FRMD4A: variants seen among roughly 807,000 people sequenced by gnomAD.
FRMD4A encodes FERM domain-containing protein 4A.
Under a neutral mutation model 129.1 loss-of-function variants are expected in FRMD4A, and 29 were observed. The ratio of observed to expected loss-of-function variants is 0.22; its 90% CI spans 0.17 to 0.31. The LOEUF (loss-of-function observed/expected upper bound fraction) is 0.31. Ranked by LOEUF, FRMD4A falls within the 10% of genes least tolerant of loss-of-function variation. The pLI is 1.00. For synonymous variants in FRMD4A, 634 were observed against 571.6 expected, an observed-to-expected ratio of 1.11 and a Z score of -1.56; for missense variants, 1,272 against 1,375.8, an observed-to-expected ratio of 0.92 and a Z score of 1.19.
intron 2 of FRMD4A, among the ~76,000 whole-genome samples, chr10:14,261,418 G>A (rs148550729): frequency 6.6e-6 from 1 of 152,216 alleles, no homozygotes; most frequent in Non-Finnish European, 1.5e-5. Context: ...GTCTACTTGG[G>A]TATTCAGTTT....
At chr10:14,235,162 T>G (rs1212554672) in intron 2 of FRMD4A, among the ~76,000 whole-genome samples, 1 of 151,578 alleles carries the variant, frequency 6.6e-6, no homozygotes, top group African/African-American at 2.4e-5. Context: ...GCTGTCTTTT[T>G]TTTTTGACAC....
intron 17 of FRMD4A, among the ~76,000 whole-genome samples, chr10:13,670,125 A>G (rs1028144039): frequency 1.3e-5 from 2 of 152,160 alleles, no homozygotes; most frequent in Non-Finnish European, 2.9e-5. Flanking sequence ...CGTGAATGCT[A>G]CTGGAATGTT....
At chr10:14,096,370 C>T (rs1836962055) in intron 2 of FRMD4A, among the ~76,000 whole-genome samples, 1 of 152,126 alleles carries the variant, frequency 6.6e-6, no homozygotes, top group Non-Finnish European at 1.5e-5. Context: ...CTACCCAATC[C>T]AAGATATTTT....
intron 2 of FRMD4A, among the ~76,000 whole-genome samples, chr10:14,058,507 T>A (rs754545682): frequency 1.3e-5 from 2 of 152,210 alleles, no homozygotes; most frequent in African/African-American, 4.8e-5. Flanking sequence ...ACCATTCATA[T>A]GCAAGACTCC....
intron 2 of FRMD4A, among the ~76,000 whole-genome samples, chr10:14,043,144 G>A (rs781192127): frequency 6.6e-6 from 1 of 152,034 alleles, no homozygotes; most frequent in African/African-American, 2.4e-5. Flanking sequence ...CTTCCAGAAG[G>A]TTACCATGTT....
chr10:14,170,138 C>A (rs1564359558), intron 2 of FRMD4A, among the ~76,000 whole-genome samples: 1 of 152,180 alleles, frequency 6.6e-6, no homozygotes, highest in Non-Finnish European at 1.5e-5. Context: ...TTTGACTATA[C>A]ATATTTTATT....
At chr10:13,843,515 G>A (rs1352875904) in intron 3 of FRMD4A, among the ~76,000 whole-genome samples, 2 of 152,070 alleles carry the variant, frequency 1.3e-5, no homozygotes, top group African/African-American at 4.8e-5. Flanking sequence ...CTTTTGTTTT[G>A]GAGATATAGT....
intron 2 of FRMD4A, among the ~76,000 whole-genome samples, chr10:13,918,398 T>C (rs2095033503): frequency 6.6e-6 from 1 of 152,176 alleles, no homozygotes; most frequent in Non-Finnish European, 1.5e-5. Context: ...AAACTTGAAC[T>C]TTCAAAGCAG....
At chr10:13,991,679 G>A (rs1197028835) in intron 2 of FRMD4A, 1 of 152,656 alleles carries the variant, frequency 6.6e-6, no homozygotes, top group Non-Finnish European at 1.5e-5. Flanking sequence ...GTTCTGCCAA[G>A]AGAAGGGAAG....
intron 2 of FRMD4A, among the ~76,000 whole-genome samples, chr10:14,319,732 C>T (rs1479700411): frequency 2.0e-5 from 3 of 152,142 alleles, no homozygotes; most frequent in Non-Finnish European, 2.9e-5. Flanking sequence ...GCTTCAGTGC[C>T]ACTGCCAGAT....
intron 2 of FRMD4A, among the ~76,000 whole-genome samples, chr10:14,184,804 T>C (rs1249545187): frequency 6.6e-6 from 1 of 152,176 alleles, no homozygotes; most frequent in Non-Finnish European, 1.5e-5. Flanking sequence ...CGCATTTTCT[T>C]ATTTATTTAT....
intron 2 of FRMD4A, among the ~76,000 whole-genome samples, chr10:14,266,879 A>G (rs1844999367): frequency 6.6e-6 from 1 of 152,240 alleles, no homozygotes; most frequent in Admixed American, 6.5e-5. Context: ...TAGTCAATAT[A>G]TGACTTATAA....
chr10:13,734,423 C>A (rs539470599), intron 12 of FRMD4A, among the ~76,000 whole-genome samples: 5 of 152,196 alleles, frequency 3.3e-5, no homozygotes, highest in African/African-American at 4.8e-5. Flanking sequence ...CTTCGCAGAG[C>A]CTTCAAGCCT....
At chr10:13,788,122 T>C (rs1442283668) in intron 5 of FRMD4A, among the ~76,000 whole-genome samples, 3 of 152,198 alleles carry the variant, frequency 2.0e-5, no homozygotes, top group Admixed American at 2.0e-4. Context: ...TGGATGTCTG[T>C]GACCTTGCTG....
intron 2 of FRMD4A, among the ~76,000 whole-genome samples, chr10:13,971,118 GCACA>G (rs1214941686): frequency 1.3e-5 from 2 of 151,996 alleles, no homozygotes; most frequent in East Asian, 1.9e-4. Flanking sequence ...GTGCACACAT[GCACA>G]CACGCACGCA....
intron 2 of FRMD4A, among the ~76,000 whole-genome samples, chr10:14,132,114 C>A (rs1839291428): frequency 6.6e-6 from 1 of 152,108 alleles, no homozygotes; most frequent in African/African-American, 2.4e-5. Flanking sequence ...GGTGAAACCC[C>A]ATCTCCACTA....
chr10:14,045,347 T>C (rs1833943654), intron 2 of FRMD4A, among the ~76,000 whole-genome samples: 1 of 152,152 alleles, frequency 6.6e-6, no homozygotes, highest in Non-Finnish European at 1.5e-5. Context: ...TGTACCGCTT[T>C]TTCAAGGTGT....
At chr10:14,118,098 G>A (rs867801847) in intron 2 of FRMD4A, among the ~76,000 whole-genome samples, 1 of 152,148 alleles carries the variant, frequency 6.6e-6, no homozygotes, top group South Asian at 2.1e-4. Flanking sequence ...TATTTTAAAA[G>A]ACTGTGAAAT....
intron 14 of FRMD4A, among the ~76,000 whole-genome samples, chr10:13,699,143 C>A (rs955550042): frequency 1.3e-5 from 2 of 150,524 alleles, no homozygotes; most frequent in Admixed American, 6.6e-5. Flanking sequence ...GCAACCTCTG[C>A]CTCCTGGGTT....
Sources: allele counts gnomAD v4.1 joint callset (sites outside exome capture counted in the v4.1 genomes callset), GRCh38; gene constraint gnomAD v4.1.1; transcripts MANE v1.5; gene names NCBI Gene and HGNC (gene_info 2026-07-23, HGNC 2026-07-21).